Variants in PPP2R2B observed in about 807,000 individuals in gnomAD.
The protein encoded by PPP2R2B is protein phosphatase 2 regulatory subunit Bbeta, also known as serine/threonine-protein phosphatase 2A 55 kDa regulatory subunit B beta isoform.
Under a neutral mutation model 46.0 loss-of-function variants are expected in PPP2R2B, and 5 were observed. The ratio of observed to expected loss-of-function variants is 0.11; its 90% CI spans 0.06 to 0.23. PPP2R2B has a LOEUF of 0.23. Ranked by LOEUF, PPP2R2B falls within the 10% of genes least tolerant of loss-of-function variation. PPP2R2B has a pLI of 1.00. For synonymous variants in PPP2R2B, 215 were observed against 206.7 expected, an observed-to-expected ratio of 1.04 and a Z score of -0.34; for missense variants, 367 against 575.0, an observed-to-expected ratio of 0.64 and a Z score of 3.70.
rs141267776 is a variant in PPP2R2B, at chr5:146,821,402, G to T, written c.70+56600C>A. Among the ~76,000 whole-genome samples, 664 of 152,256 alleles carry T rather than the reference G, an allele frequency of 4.4e-3. 14 individuals carry two copies. Among genetic ancestry groups the T allele is most frequent in the Non-Finnish European group, 1.1e-3 (77 of 68,018 alleles). ...TTTATCCTTGTAGATCAAGCTCAAAGCATGAGCCCACCCTCCCATGAAACA... is the reference window on the plus strand; with the variant it reads ...TTTATCCTTGTAGATCAAGCTCAAATCATGAGCCCACCCTCCCATGAAACA... On this transcript the variant is annotated intron_variant, in intron 2 of 9. Coordinates refer to ENST00000394411, the MANE Select transcript of PPP2R2B (RefSeq NM_181675.4).
chr5:146,846,118 G>A (rs10065720), intron 2 of PPP2R2B, among the ~76,000 whole-genome samples: 22,800 of 152,138 alleles, frequency 0.15, 2,036 homozygotes, highest in East Asian at 0.36. Context: ...AGTGGCTCAC[G>A]CCTGTAAACC....
chr5:146,750,991 C>T (rs1753521774), intron 2 of PPP2R2B, among the ~76,000 whole-genome samples: 1 of 152,132 alleles, frequency 6.6e-6, no homozygotes, highest in South Asian at 2.1e-4. Flanking sequence ...ACAGTAGGAG[C>T]TGAAGAGCAT....
chr5:146,652,767 C>G (rs77129319), intron 5 of PPP2R2B, among the ~76,000 whole-genome samples: 113,347 of 151,848 alleles, frequency 0.75, 43,286 homozygotes, highest in East Asian at 0.82. Flanking sequence ...AACACCCCCC[C>G]CCAAAAAGTT....
intron 1 of PPP2R2B, among the ~76,000 whole-genome samples, chr5:146,944,705 A>C (rs1290554960): frequency 6.6e-6 from 1 of 152,144 alleles, no homozygotes; most frequent in Non-Finnish European, 1.5e-5. Flanking sequence ...GGCTGATTTT[A>C]TCAGTAAAAT....
chr5:147,020,569 G>A (rs1040082397), intron 1 of PPP2R2B, among the ~76,000 whole-genome samples: 3 of 152,072 alleles, frequency 2.0e-5, no homozygotes, highest in Non-Finnish European at 4.4e-5. Flanking sequence ...AGACCAGGAG[G>A]GGTGGAGAAA....
intron 2 of PPP2R2B, among the ~76,000 whole-genome samples, chr5:146,829,739 T>C (rs1210121556): frequency 6.6e-6 from 1 of 152,172 alleles, no homozygotes; most frequent in Non-Finnish European, 1.5e-5. Context: ...CCAAAGAATC[T>C]AAAGTCTATC....
chr5:147,017,040 G>GC lies in PPP2R2B; in HGVS notation c.79+38624dup, dbSNP rs1047705476. Reference sequence around the variant, plus strand: ...TTTAAGTTTTGGATAGATTGCTCTGGCTGCAGGGTGGAGGCTAGATCTGAG... The same window carrying GC: ...TTTAAGTTTTGGATAGATTGCTCTGGCCTGCAGGGTGGAGGCTAGATCTGAG... On this transcript the variant is annotated intron_variant, in intron 1 of 8. Transcript: ENST00000336640. Among the ~76,000 whole-genome samples, 47 of 151,678 alleles carry GC rather than the reference G, an allele frequency of 3.1e-4. 1 individual carries two copies. The highest frequency in any genetic ancestry group is 1.1e-3 in the African/African-American group (44 of 41,540).
rs182375291 is a variant in PPP2R2B at position 146,765,628 on chromosome 5, A to G, written c.71-64486T>C. On this transcript the variant is annotated intron_variant, in intron 2 of 9. Coordinates refer to ENST00000394411, the MANE Select transcript of PPP2R2B (RefSeq NM_181675.4). ...TCAAGACCATGCTTTGTTTCTTAAC[A>G]TCTACTACACTGGCTCAAATACTTT... Among the ~76,000 whole-genome samples, 30 of 152,370 alleles carry G rather than the reference A, an allele frequency of 2.0e-4. No individual in the cohort carries two copies. The East Asian group carries it at 5.6e-3, about 28-fold the overall frequency.
intron 2 of PPP2R2B, among the ~76,000 whole-genome samples, chr5:146,844,727 C>G (rs560415647): frequency 6.6e-6 from 1 of 152,346 alleles, no homozygotes; most frequent in South Asian, 2.1e-4. Context: ...AACCCCATTT[C>G]TTTCTTTCTT....
chr5:146,874,759 G>A (rs1761802435), intron 2 of PPP2R2B, among the ~76,000 whole-genome samples: 1 of 151,958 alleles, frequency 6.6e-6, no homozygotes, highest in Admixed American at 6.6e-5. Flanking sequence ...AATATAGCAG[G>A]AAACCCACAT....
At chr5:146,882,238 C>T (rs773201057), upstream of PPP2R2B, among the ~76,000 whole-genome samples, 1 of 151,472 alleles carries the variant, frequency 6.6e-6, no homozygotes, top group Non-Finnish European at 1.5e-5. Context: ...TGCACTCCAG[C>T]CTGGGAGACA....
chr5:146,623,479 TTTG>T (rs1486953360), intron 7 of PPP2R2B, among the ~76,000 whole-genome samples: 3 of 152,256 alleles, frequency 2.0e-5, no homozygotes, highest in Admixed American at 2.0e-4. Flanking sequence ...AGCACAATAC[TTTG>T]TTAACACTTA....
At chr5:146,995,913 A>C (rs1217036285) in intron 1 of PPP2R2B, among the ~76,000 whole-genome samples, 1 of 152,190 alleles carries the variant, frequency 6.6e-6, no homozygotes, top group African/African-American at 2.4e-5. Flanking sequence ...AACCAGCAAT[A>C]TAAAACCAGC....
At chr5:146,897,359 A>C (rs1212565697) in intron 1 of PPP2R2B, among the ~76,000 whole-genome samples, 2 of 152,220 alleles carry the variant, frequency 1.3e-5, no homozygotes, top group Non-Finnish European at 2.9e-5. Flanking sequence ...GGATACAATA[A>C]AAAGTTCTTC....
chr5:147,019,531 A>G (rs903075919), intron 1 of PPP2R2B, among the ~76,000 whole-genome samples: 8 of 152,186 alleles, frequency 5.3e-5, no homozygotes, highest in Non-Finnish European at 8.8e-5. Context: ...ATTGAGCTAC[A>G]AAACCTGGTG....
chr5:147,046,697 C>G (rs980906198), intron 1 of PPP2R2B, among the ~76,000 whole-genome samples: 1 of 151,854 alleles, frequency 6.6e-6, no homozygotes, highest in Non-Finnish European at 1.5e-5. Context: ...AAACAGGAGC[C>G]GGCATTTTCA....
At chr5:146,887,831 G>C (rs959413065) in intron 1 of PPP2R2B, among the ~76,000 whole-genome samples, 7 of 152,196 alleles carry the variant, frequency 4.6e-5, no homozygotes, top group South Asian at 4.1e-4. Context: ...TAAAGGTACA[G>C]TTTGTAGGCA....
At chr5:146,730,468 G>T (rs1450200740) in intron 2 of PPP2R2B, among the ~76,000 whole-genome samples, 1 of 152,124 alleles carries the variant, frequency 6.6e-6, no homozygotes, top group Non-Finnish European at 1.5e-5. Context: ...GAAATTTGGA[G>T]GGGCCAAGGG....
At chr5:146,637,962 T>A (rs1206561342) in intron 7 of PPP2R2B, among the ~76,000 whole-genome samples, 1 of 152,206 alleles carries the variant, frequency 6.6e-6, no homozygotes, top group Non-Finnish European at 1.5e-5. Flanking sequence ...ATTCTCCCCA[T>A]GGCAGCAAGC....
Sources: allele counts gnomAD v4.1 joint callset (sites outside exome capture counted in the v4.1 genomes callset), GRCh38; gene constraint gnomAD v4.1.1; transcripts MANE v1.5; gene names NCBI Gene and HGNC (gene_info 2026-07-23, HGNC 2026-07-21).